Variants in SNX25 observed in about 807,000 individuals in gnomAD.
SNX25 encodes the protein sorting nexin-25.
SNX25 carries 62 observed loss-of-function variants against 113.7 expected under a neutral mutation model. The ratio of observed to expected loss-of-function variants is 0.55; its 90% CI spans 0.44 to 0.67. The LOEUF is 0.67. SNX25 is among the 30% of genes least tolerant of loss of function. SNX25 has a pLI of 0.00. For missense variants in SNX25, 1,014 were observed against 1,161.0 expected, an observed-to-expected ratio of 0.87 and a Z score of 1.84; for synonymous variants, 421 against 436.2, an observed-to-expected ratio of 0.97 and a Z score of 0.43.
At chr4:185,338,279 T>G (rs999031305) in intron 10 of SNX25, among the ~76,000 whole-genome samples, 2 of 128,358 alleles carry the variant, frequency 1.6e-5, no homozygotes, top group Non-Finnish European at 3.2e-5. Context: ...ATTCTGTGTG[T>G]TTTTTTTTTT....
intron 15 of SNX25, among the ~76,000 whole-genome samples, chr4:185,355,815 C>T (rs2095336290): frequency 6.6e-6 from 1 of 152,180 alleles, no homozygotes; most frequent in South Asian, 2.1e-4. Flanking sequence ...TGAGTCTCCC[C>T]AGTTTCCTAC....
chr4:185,368,523 G>A (rs1304712726), downstream of SNX25, among the ~76,000 whole-genome samples: 5 of 152,164 alleles, frequency 3.3e-5, no homozygotes, highest in African/African-American at 1.2e-4. Flanking sequence ...GAACACCGCT[G>A]TCGGGACACC....
chr4:185,245,949 T>G (rs2126481195), intron 1 of SNX25, among the ~76,000 whole-genome samples: 1 of 152,334 alleles, frequency 6.6e-6, no homozygotes, highest in East Asian at 1.9e-4. Context: ...TGTACTTTTT[T>G]GGATTTCCAT....
chr4:185,230,201 T>C (rs1741626665), intron 1 of SNX25, among the ~76,000 whole-genome samples: 1 of 152,210 alleles, frequency 6.6e-6, no homozygotes, highest in Non-Finnish European at 1.5e-5. Flanking sequence ...GATTAATGGC[T>C]TGTTAATACC....
downstream of SNX25, among the ~76,000 whole-genome samples, chr4:185,371,366 C>T (rs530914943): frequency 2.4e-3 from 364 of 151,764 alleles, no homozygotes; most frequent in Admixed American, 5.6e-3. Context: ...GGTGAAACCC[C>T]GTCTCTACTA....
rs115075973 is a variant in SNX25, at chr4:185,285,676, C to T, written c.1092-2336C>T. 3.8e-3 allele frequency among the ~76,000 whole-genome samples: 579 copies of T among 152,296 alleles called. 2 individuals carry two copies. Among genetic ancestry groups the T allele is most frequent in the African/African-American group, 0.013 (531 of 41,568 alleles). ...TTATTTTCCCCATGTCACCACATGT[C>T]CTGAGATTGGTAGTTAGGGGCTGTT... On this transcript the variant is annotated intron_variant, in intron 5 of 18. Transcript: ENST00000652585.
intron 6 of SNX25, among the ~76,000 whole-genome samples, chr4:185,304,876 C>T (rs989016488): frequency 6.6e-6 from 1 of 152,188 alleles, no homozygotes; most frequent in Non-Finnish European, 1.5e-5. Context: ...CCAGCATTTT[C>T]TAGGGAGGAA....
exon 12 of SNX25, chr4:185,370,052 T>G (rs1229993539): frequency 5.6e-6 from 1 of 177,312 alleles, no homozygotes; most frequent in Non-Finnish European, 1.2e-5. Context: ...AAAAAAAATC[T>G]AAACTTAAGA....
rs772835530 is a variant in SNX25 at position 185,330,690 on chromosome 4, C to A, written c.1750-1905C>A. On this transcript the variant is annotated intron_variant, in intron 9 of 18. Transcript: ENST00000652585. ...GGATTTTTTCTTTCTGCCCAGTTCA[C>A]TATCTCCAGCCCTGAGGACTCAAGT... Among the ~76,000 whole-genome samples the A allele has an allele frequency of 2.6e-5, 4 of 152,174 alleles. No individual in the cohort carries two copies. In the East Asian group the frequency reaches 5.8e-4, roughly 22 times the overall value.
At chr4:185,262,406 T>C (rs1384681673) in intron 3 of SNX25, among the ~76,000 whole-genome samples, 1 of 152,222 alleles carries the variant, frequency 6.6e-6, no homozygotes, top group Admixed American at 6.5e-5. Context: ...ATTTCATAGT[T>C]TTCTTTGCTG....
downstream of SNX25, chr4:185,365,787 GA>G (rs1247033184): frequency 6.6e-6 from 1 of 151,976 alleles, no homozygotes; most frequent in South Asian, 2.1e-4. Flanking sequence ...GTGGTTGAAG[GA>G]ATGTTACATG....
chr4:185,218,495 G>C (rs1341198590), intron 1 of SNX25, among the ~76,000 whole-genome samples: 1 of 152,348 alleles, frequency 6.6e-6, no homozygotes, highest in East Asian at 1.9e-4. Context: ...AAGGCAGCTA[G>C]GTGTGTGAGG....
intron 5 of SNX25, among the ~76,000 whole-genome samples, chr4:185,279,379 A>G (rs1016332706): frequency 2.6e-5 from 4 of 152,140 alleles, no homozygotes; most frequent in Admixed American, 6.5e-5. Context: ...ATGTGCTATG[A>G]ATAGAAAAAG....
downstream of SNX25, among the ~76,000 whole-genome samples, chr4:185,367,414 G>GAATA (rs1282760775): frequency 2.0e-5 from 3 of 151,302 alleles, no homozygotes; most frequent in Non-Finnish European, 4.4e-5. Flanking sequence ...AACCTATGCA[G>GAATA]AATAGATCAA....
intron 9 of SNX25, among the ~76,000 whole-genome samples, chr4:185,327,576 T>C (rs2095165337): frequency 6.6e-6 from 1 of 152,234 alleles, no homozygotes. Flanking sequence ...ATCTTTTGCA[T>C]AGCTAGGGGG....
At chr4:185,353,930 G>T (rs2095327538) in intron 15 of SNX25, among the ~76,000 whole-genome samples, 3 of 151,974 alleles carry the variant, frequency 2.0e-5, no homozygotes, top group Admixed American at 6.6e-5. Flanking sequence ...TGTAATCCCA[G>T]CTACTTGGGA....
At chr4:185,347,759 C>T (rs2095295255) in intron 13 of SNX25, among the ~76,000 whole-genome samples, 1 of 152,258 alleles carries the variant, frequency 6.6e-6, no homozygotes, top group East Asian at 1.9e-4. Flanking sequence ...GCGTGAGCCA[C>T]TGTGCCCGGC....
At chr4:185,375,514 ATG>A in the SNX25 span, 385 of 86,768 alleles carry the variant, frequency 4.4e-3, 9 homozygotes, top group South Asian at 0.015. Flanking sequence ...ATATATATAT[ATG>A]TATATATATA....
chr4:185,374,341 G>A (rs201973995), downstream of SNX25: 33 of 1,613,984 alleles, frequency 2.0e-5, no homozygotes, highest in African/African-American at 1.6e-4. Flanking sequence ...TCATTTGATC[G>A]TTTAACACCT....
Sources: gnomAD v4.1 joint callset for allele counts (sites outside exome capture counted in the v4.1 genomes callset) on GRCh38, gnomAD v4.1.1 for gene constraint, MANE v1.5 for transcripts, NCBI Gene and HGNC (gene_info 2026-07-23, HGNC 2026-07-21) for gene names.